TRPV5: variants seen among roughly 807,000 people sequenced by gnomAD.
The protein encoded by TRPV5 is transient receptor potential cation channel subfamily V member 5.
TRPV5 carries 66 observed loss-of-function variants against 74.1 expected under a neutral mutation model. The observed-to-expected ratio is 0.89, with a 90% confidence interval of 0.73 to 1.09. TRPV5 has a LOEUF of 1.09. TRPV5 is among the 50% of genes least tolerant of loss of function. The pLI, the probability that TRPV5 is intolerant of heterozygous loss-of-function variation, is 0.00. For missense variants in TRPV5, 936 were observed against 930.4 expected, an observed-to-expected ratio of 1.01 and a Z score of -0.08; for synonymous variants, 399 against 360.7, an observed-to-expected ratio of 1.11 and a Z score of -1.20.
At chr7:142,923,405 C>A (rs1402261781) in intron 8 of TRPV5, among the ~76,000 whole-genome samples, 2 of 152,146 alleles carry the variant, frequency 1.3e-5, no homozygotes, top group African/African-American at 4.8e-5. Flanking sequence ...AGCCCCTGAT[C>A]TAATCCAAAT....
intron 1 of TRPV5, among the ~76,000 whole-genome samples, chr7:142,931,645 T>A (rs1410675100): frequency 6.6e-6 from 1 of 152,168 alleles, no homozygotes; most frequent in Admixed American, 6.5e-5. Flanking sequence ...GGTCCCCACC[T>A]CCAAATCCCT....
intron 14 of TRPV5, 46 bp downstream of exon 14, chr7:142,909,444 G>A (rs770995145): frequency 2.1e-5 from 33 of 1,599,694 alleles, no homozygotes; most frequent in Non-Finnish European, 2.8e-5. Context: ...TTGCTTCCGT[G>A]GCCTTATACA....
intron 7 of TRPV5, 24 bp downstream of exon 7, chr7:142,928,064 C>A (rs781712799): frequency 1.9e-6 from 3 of 1,613,956 alleles, no homozygotes; most frequent in Admixed American, 3.3e-5. Flanking sequence ...ACATGACAGG[C>A]CTGATCCTCC....
At chr7:142,931,714 T>A (rs1281029442) in intron 1 of TRPV5, among the ~76,000 whole-genome samples, 2 of 152,192 alleles carry the variant, frequency 1.3e-5, no homozygotes, top group African/African-American at 4.8e-5. Context: ...TTTATTTATT[T>A]TTTTTGAGAC....
At position 142,933,310 on chromosome 7, in the gene TRPV5, C is replaced by T. The variant is rs4252373; in HGVS notation, c.128+22G>A. On this transcript the variant is annotated intron_variant, in intron 1 of 14. Coordinates refer to ENST00000265310, the MANE Select transcript of TRPV5 (RefSeq NM_019841.7). ...TCTGAGGATCACGGCGGTAGGGCCA[C>T]GGATCGTTCTAGGAAGCCTACCTCT... The T allele has an allele frequency of 2.4e-4, 385 of 1,611,280 alleles. 1 individual carries two copies. In the African/African-American group the frequency reaches 4.3e-3, roughly 18 times the overall value.
At chr7:142,913,388 A>G (rs1042054388) in intron 12 of TRPV5, among the ~76,000 whole-genome samples, 2 of 152,230 alleles carry the variant, frequency 1.3e-5, no homozygotes, top group African/African-American at 4.8e-5. Context: ...ACATTCTGAG[A>G]GCAGAAACAG....
intron 13 of TRPV5, among the ~76,000 whole-genome samples, chr7:142,911,666 C>T (rs755239045): frequency 6.6e-6 from 1 of 152,206 alleles, no homozygotes; most frequent in Admixed American, 6.5e-5. Context: ...TCCATGAGGG[C>T]ACATATGGTG....
At position 142,930,462 on chromosome 7, in the gene TRPV5, C is replaced by A. The variant is rs781664550; in HGVS notation, c.129-16G>T. On this transcript the variant is annotated splice_polypyrimidine_tract_variant and intron_variant, in intron 1 of 14. Coordinates refer to ENST00000265310, the MANE Select transcript of TRPV5 (RefSeq NM_019841.7). ...CTCTAGAATCCTGGGGAAAGGTGAA[C>A]GTGAGTTTGGAAGAGACAGTCATAG... The A allele has an allele frequency of 2.5e-6, 4 of 1,599,982 alleles. No homozygotes were observed. Among genetic ancestry groups the A allele is most frequent in the Non-Finnish European group, 1.7e-6 (2 of 1,167,256 alleles).
chr7:142,915,327 C>T lies in TRPV5; in HGVS notation c.1266G>A (p.Gly422=). 6.2e-7 allele frequency: 1 copy of T among 1,608,518 alleles called. No homozygotes were observed. The highest frequency in any genetic ancestry group is 8.5e-7 in the Non-Finnish European group (1 of 1,178,666). Residue 422 remains glycine (G), a synonymous_variant, in exon 10 of 15, where the codon GGG becomes GGA. Coordinates refer to ENST00000265310, the MANE Select transcript of TRPV5 (RefSeq NM_019841.7). ...ASRYFGKTIL[G]GPFHVIIITY... is the part of the protein sequence containing the mutation. ...CTCACATGATGACATGGAATGGCCC[C>T]CCAAGAATCGTCTTTCCAAAATAGC...
Position 142,930,134 on chromosome 7 carries a change from G to A in TRPV5, c.273C>T (p.Asn91=). Residue 91 remains asparagine, a synonymous_variant, in exon 3 of 15, where the codon AAC becomes AAT. Transcript: ENST00000265310. ...CCATCAGCACCAAGGCCGCCTCCAAGTTGTCATAGAGGGCTGCTATGTGCA... is the reference window on the plus strand; with the variant it reads ...CCATCAGCACCAAGGCCGCCTCCAAATTGTCATAGAGGGCTGCTATGTGCA... ...TALHIAALYD[N]LEAALVLMEA... 1 of 1,614,238 alleles carries A rather than the reference G, an allele frequency of 6.2e-7. No homozygotes were observed. Among genetic ancestry groups the A allele is most frequent in the Non-Finnish European group, 8.5e-7 (1 of 1,180,040 alleles).
At chr7:142,916,721 G>C (rs1306489752) in intron 8 of TRPV5, among the ~76,000 whole-genome samples, 1 of 152,124 alleles carries the variant, frequency 6.6e-6, no homozygotes, top group Non-Finnish European at 1.5e-5. Flanking sequence ...CTGCTAATCA[G>C]CTGGAACCTG....
chr7:142,919,087 T>C (rs942659812), intron 8 of TRPV5, among the ~76,000 whole-genome samples: 1 of 152,200 alleles, frequency 6.6e-6, no homozygotes, highest in Non-Finnish European at 1.5e-5. Context: ...CCCTCACCGA[T>C]GCCTCAAGAC....
chr7:142,913,706 C>G (rs1795745921), intron 12 of TRPV5, among the ~76,000 whole-genome samples: 3 of 152,014 alleles, frequency 2.0e-5, no homozygotes, highest in East Asian at 1.9e-4. Flanking sequence ...TTGTTTTGGT[C>G]TGTTGTTTTG....
Position 142,933,605 on chromosome 7 carries a change from G to T in TRPV5, c.-146C>A. ...GTATGACTTGTGTATGCAGCATGCA[G>T]CTTGTAGGTGTGTGTGTGTGCATGC... is the stretch of plus-strand genomic sequence containing the variant. On this transcript the variant is annotated 5_prime_UTR_variant, in exon 1 of 15. The change creates a new upstream start codon in the 5' untranslated region. Coordinates refer to ENST00000265310, the MANE Select transcript of TRPV5 (RefSeq NM_019841.7). The T allele has an allele frequency of 9.1e-7, 1 of 1,102,528 alleles. No individual in the cohort carries two copies. The highest frequency in any genetic ancestry group is 1.3e-6 in the Non-Finnish European group (1 of 768,358). 68.3% of individuals were successfully genotyped at this position (1,102,528 alleles called of 1,614,324 possible). A position where few individuals can be genotyped will look rare whatever the true frequency, so the allele number is the denominator to read the frequency against.
At chr7:142,925,114 C>T (rs1207989422) in intron 8 of TRPV5, 2 of 338,828 alleles carry the variant, frequency 5.9e-6, no homozygotes, top group Non-Finnish European at 1.1e-5. Flanking sequence ...GAAGAGGGTG[C>T]AGGCCAGCAG....
chr7:142,908,440 T>C lies in TRPV5; in HGVS notation c.*74A>G, dbSNP rs1024449542. 24 of 1,522,350 alleles carry C rather than the reference T, an allele frequency of 1.6e-5. No individual in the cohort carries two copies. The highest frequency in any genetic ancestry group is 3.5e-4 in the Middle Eastern group (2 of 5,732). 94.3% of individuals were successfully genotyped at this position (1,522,350 alleles called of 1,614,324 possible). ...CAGGCACAGAAGTTAGACACTTGCA[T>C]AGGCAGAGGTCTCCGTCTCTGTCCC... is the stretch of plus-strand genomic sequence containing the variant. On this transcript the variant is annotated 3_prime_UTR_variant, in exon 15 of 15. Transcript: ENST00000265310.
chr7:142,928,846 G>A lies in TRPV5; in HGVS notation c.607C>T (p.Leu203Phe). Residue 203 changes from leucine (L) to phenylalanine (F), a missense_variant, in exon 6 of 15, where the codon CTC becomes TTC. Transcript: ENST00000265310. ...AAGGTTTTGTTGGGCTGGAGGATGA[G>A]GATGTGTAATACTGTGTTTCCTGGG... ...DSLGNTVLHILILQPNKTFAC... is the reference protein window; with the variant it reads ...DSLGNTVLHIFILQPNKTFAC... 1.9e-6 allele frequency: 3 copies of A among 1,614,154 alleles called. No homozygotes were observed. Among genetic ancestry groups the A allele is most frequent in the South Asian group, 1.1e-5 (1 of 91,086 alleles).
intron 11 of TRPV5, 35 bp downstream of exon 11, chr7:142,914,846 G>A (rs1459735927): frequency 3.1e-6 from 5 of 1,612,464 alleles, no homozygotes; most frequent in Non-Finnish European, 4.2e-6. Context: ...AAGGTCTTGT[G>A]CCTGAGGCGG....
intron 12 of TRPV5, among the ~76,000 whole-genome samples, chr7:142,913,821 G>A (rs1439161587): frequency 6.6e-6 from 1 of 152,164 alleles, no homozygotes; most frequent in African/African-American, 2.4e-5. Context: ...GCCTCTTCTT[G>A]TCTAATAGAT....
Sources: allele counts gnomAD v4.1 joint callset (sites outside exome capture counted in the v4.1 genomes callset), GRCh38; gene constraint gnomAD v4.1.1; transcripts MANE v1.5; gene names NCBI Gene and HGNC (gene_info 2026-07-23, HGNC 2026-07-21).